POLQ: variants seen among roughly 807,000 people sequenced by gnomAD.
POLQ encodes epididymis secretory sperm binding protein.
A neutral mutation model predicts 259.2 loss-of-function variants in POLQ; 233 were observed. That is an observed-to-expected ratio of 0.90 (90% CI 0.81 to 1.00). The LOEUF is 1.00. POLQ is among the 50% of genes least tolerant of loss of function. The pLI is 0.00. For synonymous variants in POLQ, 1,025 were observed against 1,048.8 expected, an observed-to-expected ratio of 0.98 and a Z score of 0.44; for missense variants, 2,871 against 3,051.6, an observed-to-expected ratio of 0.94 and a Z score of 1.39.
intron 14 of POLQ, among the ~76,000 whole-genome samples, chr3:121,495,753 G>T (rs140609433): frequency 6.7e-6 from 1 of 149,942 alleles, no homozygotes; most frequent in African/African-American, 2.5e-5. Flanking sequence ...GGAGGCTGAG[G>T]CAGCAGAATG....
chr3:121,531,466 T>C (rs2048411389), intron 6 of POLQ, among the ~76,000 whole-genome samples: 1 of 152,024 alleles, frequency 6.6e-6, no homozygotes, highest in South Asian at 2.1e-4. Flanking sequence ...ACATAGTAGA[T>C]AGAGTCAGAG....
chr3:121,501,648 C>T (rs1228584918), intron 12 of POLQ, among the ~76,000 whole-genome samples: 15 of 85,212 alleles, frequency 1.8e-4, no homozygotes, highest in Admixed American at 5.6e-4. Context: ...GGCGACAGAG[C>T]GAGACTCCGT....
Position 121,510,171 on chromosome 3 carries a change from T to C in POLQ, c.1684A>G (p.Ser562Gly), listed in dbSNP as rs1476537910. The C allele has an allele frequency of 6.2e-7, 1 of 1,613,980 alleles. No individual in the cohort carries two copies. Among genetic ancestry groups the C allele is most frequent in the Non-Finnish European group, 8.5e-7 (1 of 1,179,816 alleles). ...TYAACTFLAA[S>G]MKEGKQGIQR... ...ATTCCTTGCTTCCCTTCTTTCATACTTGCAGCCAAAAATGTGCAGGCAGCA... is the reference window on the plus strand; with the variant it reads ...ATTCCTTGCTTCCCTTCTTTCATACCTGCAGCCAAAAATGTGCAGGCAGCA... Residue 562 changes from serine (S) to glycine (G), a missense_variant, in exon 11 of 30, where the codon AGT becomes GGT. By Grantham distance (56) the Ser-to-Gly change is moderately conservative (BLOSUM62 0). Coordinates refer to ENST00000264233, the MANE Select transcript of POLQ (RefSeq NM_199420.4).
rs768144840 is a variant in POLQ at position 121,529,765 on chromosome 3, A to G, written c.988T>C (p.Cys330Arg). The G allele has an allele frequency of 3.7e-6, 6 of 1,612,230 alleles. No individual in the cohort carries two copies. Among genetic ancestry groups the G allele is most frequent in the Non-Finnish European group, 5.1e-6 (6 of 1,179,028 alleles). The change falls in exon 7 of 30, where the codon TGT becomes CGT. Residue 330 changes from cysteine to arginine, a missense_variant. Cys to Arg is a radical substitution (Grantham distance 180). Transcript: ENST00000264233. ...KGDEDHVVSL[C>R]YETICDNHSV... ...TGGTTATCACAAATCGTCTCATAAC[A>G]TAAACTAACAACATGGTCCTCATCT... is the stretch of plus-strand genomic sequence containing the variant.
chr3:121,538,719 C>T (rs563898716), intron 4 of POLQ, among the ~76,000 whole-genome samples: 4 of 151,946 alleles, frequency 2.6e-5, no homozygotes, highest in Non-Finnish European at 5.9e-5. Context: ...AGTAATAAGA[C>T]AATTCTGATA....
At chr3:121,502,812 A>C (rs1250389212) in intron 12 of POLQ, among the ~76,000 whole-genome samples, 3 of 152,212 alleles carry the variant, frequency 2.0e-5, no homozygotes, top group African/African-American at 7.2e-5. Flanking sequence ...ATAATGATGT[A>C]ATAAGTATAA....
chr3:121,489,055 T>G lies in POLQ; in HGVS notation c.3876A>C (p.Gln1292His). The G allele has an allele frequency of 6.2e-7, 1 of 1,613,470 alleles. No homozygotes were observed. Among genetic ancestry groups the G allele is most frequent in the Middle Eastern group, 1.7e-4 (1 of 6,060 alleles). ...HENFLNISRLQEKTGTYTTNK... is the reference protein window; with the variant it reads ...HENFLNISRLHEKTGTYTTNK... ...TTGTTGTATAAGTACCTGTTTTTTC[T>G]TGTAGTCTAGAAATATTTAGAAAAT... Residue 1292 changes from glutamine (Q) to histidine (H), a missense_variant, in exon 16 of 30, where the codon CAA becomes CAC. This residue lies in a region of POLQ where 2,080 missense variants were observed against 2,126.0 expected (regional missense o/e 0.98). Transcript: ENST00000264233.
intron 25 of POLQ, among the ~76,000 whole-genome samples, chr3:121,459,017 C>G (rs912999759): frequency 5.9e-5 from 9 of 152,192 alleles, no homozygotes; most frequent in African/African-American, 2.2e-4. Context: ...CAAATGGCAT[C>G]AGATTTCCCA....
At chr3:121,543,478 A>G (rs1411794707) in intron 2 of POLQ, among the ~76,000 whole-genome samples, 1 of 152,228 alleles carries the variant, frequency 6.6e-6, no homozygotes, top group Non-Finnish European at 1.5e-5. Context: ...AGTAAGTGAT[A>G]GTTTTCAAAT....
chr3:121,467,739 T>C, intron 23 of POLQ, 99 bp from the exon 24 acceptor site: 1 of 1,287,214 alleles, frequency 7.8e-7, no homozygotes, highest in South Asian at 1.4e-5. Context: ...TCTAAGAAAC[T>C]TAATAAAAAC....
At chr3:121,531,047 CA>C (rs925143392) in intron 6 of POLQ, among the ~76,000 whole-genome samples, 7 of 152,072 alleles carry the variant, frequency 4.6e-5, no homozygotes, top group Non-Finnish European at 7.4e-5. Context: ...ATTAGTTGGG[CA>C]TGGTGGCGCA....
intron 1 of POLQ, among the ~76,000 whole-genome samples, chr3:121,545,462 A>G (rs1424339536): frequency 6.6e-6 from 1 of 152,208 alleles, no homozygotes; most frequent in African/African-American, 2.4e-5. Context: ...GGATGAAGCT[A>G]ACTAGGAAGT....
chr3:121,486,645 C>T (rs1311035945), intron 16 of POLQ, among the ~76,000 whole-genome samples: 2 of 152,172 alleles, frequency 1.3e-5, no homozygotes, highest in African/African-American at 4.8e-5. Flanking sequence ...AGGTGGATCA[C>T]TTGAGGTCCG....
intron 20 of POLQ, among the ~76,000 whole-genome samples, chr3:121,474,983 A>G (rs1037011381): frequency 6.6e-5 from 10 of 152,186 alleles, no homozygotes; most frequent in Admixed American, 2.6e-4. Context: ...TAACATATTG[A>G]TCACCACACT....
At chr3:121,463,961 A>C (rs2047814633) in intron 24 of POLQ, among the ~76,000 whole-genome samples, 1 of 152,194 alleles carries the variant, frequency 6.6e-6, no homozygotes, top group Admixed American at 6.5e-5. Flanking sequence ...TCCAACAATG[A>C]ATTTAACAAT....
intron 2 of POLQ, among the ~76,000 whole-genome samples, chr3:121,542,076 C>G (rs2108822637): frequency 6.7e-6 from 1 of 150,232 alleles, no homozygotes; most frequent in East Asian, 2.0e-4. Context: ...GCAGAGGTTG[C>G]AGTGAGCCGA....
At chr3:121,468,121 A>G (rs2047853746) in intron 23 of POLQ, among the ~76,000 whole-genome samples, 184 bp downstream of exon 23, 1 of 152,240 alleles carries the variant, frequency 6.6e-6, no homozygotes, top group Admixed American at 6.5e-5. Flanking sequence ...TTTAGCAAAC[A>G]TTGAATTAAA....
At chr3:121,485,344 T>C (rs1260930914) in intron 16 of POLQ, among the ~76,000 whole-genome samples, 160 bp from the exon 17 acceptor site, 1 of 152,202 alleles carries the variant, frequency 6.6e-6, no homozygotes, top group African/African-American at 2.4e-5. Flanking sequence ...GTAAGATCTT[T>C]CCAGGCTTCC....
chr3:121,471,188 C>T (rs2047881023), intron 22 of POLQ, among the ~76,000 whole-genome samples: 2 of 152,102 alleles, frequency 1.3e-5, no homozygotes, highest in South Asian at 4.1e-4. Context: ...CATAAGATTA[C>T]ACTCTTACTT....
Sources: gnomAD v4.1 joint callset for allele counts (sites outside exome capture counted in the v4.1 genomes callset) on GRCh38, gnomAD v4.1.1 for gene constraint, gnomAD v4.1.1 regional missense constraint, MANE v1.5 for transcripts, NCBI Gene and HGNC (gene_info 2026-07-23, HGNC 2026-07-21) for gene names.